Variants in NOMO1 observed in about 807,000 individuals in gnomAD.
NOMO1 encodes NODAL modulator 1, also known as nodal modulator 3.
Under a neutral mutation model 133.8 loss-of-function variants are expected in NOMO1, and 40 were observed. That is an observed-to-expected ratio of 0.30 (90% confidence interval 0.23 to 0.39). The LOEUF (loss-of-function observed/expected upper bound fraction) is 0.39. Among genes scored for constraint, NOMO1 ranks in the 10% least tolerant of loss-of-function variants. The pLI, the probability that NOMO1 is intolerant of heterozygous loss-of-function variation, is 1.00. For missense variants in NOMO1, 462 were observed against 1,419.9 expected (o/e 0.33, Z 10.84); for synonymous variants, 236 against 570.5 (o/e 0.41, Z 8.36).
chr16:14,884,581 G>A, intron 27 of NOMO1, 99 bp downstream of exon 27: 2 of 1,574,884 alleles, frequency 1.3e-6, no homozygotes, highest in Non-Finnish European at 1.7e-6. Context: ...TCGTGCCTTA[G>A]GTGTGACAGG....
rs754349582 is a variant in NOMO1, at chr16:14,875,029, C to T, written c.2055-7C>T. 9.4e-5 allele frequency: 152 copies of T among 1,613,828 alleles called. 3 individuals are homozygous for T. In the East Asian group the frequency reaches 3.3e-3, roughly 35 times the overall value. ...CAACTATGTCCTAGGGGCCGTCTTT[C>T]TTCTAGGTCTTCCATCGACAGTGAA... On this transcript the variant is annotated splice_polypyrimidine_tract_variant and splice_region_variant and intron_variant, in intron 18 of 30. Coordinates refer to ENST00000287667, the MANE Select transcript of NOMO1 (RefSeq NM_014287.4).
At chr16:14,859,607 G>A (rs1263905851) in intron 11 of NOMO1, among the ~76,000 whole-genome samples, 2 of 151,930 alleles carry the variant, frequency 1.3e-5, no homozygotes, top group African/African-American at 2.4e-5. Flanking sequence ...TTGAGCCCAG[G>A]AGTTTGAGAC....
chr16:14,879,700 G>A (rs1472344913), intron 23 of NOMO1, among the ~76,000 whole-genome samples: 3 of 138,636 alleles, frequency 2.2e-5, no homozygotes, highest in Non-Finnish European at 4.6e-5. Context: ...TGCTGTGATC[G>A]TGCACTCCAT....
intron 14 of NOMO1, 78 bp from the exon 15 acceptor site, chr16:14,866,477 G>T (rs1963996770): frequency 1.2e-6 from 2 of 1,609,302 alleles, no homozygotes; most frequent in Non-Finnish European, 1.7e-6. Context: ...ATTAATTCAT[G>T]ATCATTGTTT....
chr16:14,861,697 G>A lies in NOMO1; in HGVS notation c.1221-1316G>A, dbSNP rs865782754. Among the ~76,000 whole-genome samples, 193 of 151,302 alleles carry A rather than the reference G, an allele frequency of 1.3e-3. No individual in the cohort carries two copies. In the Middle Eastern group the frequency reaches 0.014, roughly 11 times the overall value. On this transcript the variant is annotated intron_variant, in intron 11 of 30. Coordinates refer to ENST00000287667, the MANE Select transcript of NOMO1 (RefSeq NM_014287.4). ...CCAGAGAATAACTATTTTAGGCTGCGTGAGCCATACGGTCTCTAGGACAAC... is the reference window on the plus strand; with the variant it reads ...CCAGAGAATAACTATTTTAGGCTGCATGAGCCATACGGTCTCTAGGACAAC...
chr16:14,884,285 G>A, intron 26 of NOMO1, 87 bp from the exon 27 acceptor site: 1 of 1,496,994 alleles, frequency 6.7e-7, no homozygotes, highest in Non-Finnish European at 9.2e-7. Context: ...AGTTTGCCAT[G>A]AAGCAGCTCT....
chr16:14,864,465 G>T, intron 12 of NOMO1, 120 bp from the exon 13 acceptor site: 1 of 1,530,544 alleles, frequency 6.5e-7, no homozygotes, highest in South Asian at 1.3e-5. Context: ...GCCTGGAAAC[G>T]AACCTTTGGC....
intron 1 of NOMO1, among the ~76,000 whole-genome samples, chr16:14,836,492 T>C (rs912777452): frequency 3.3e-5 from 5 of 151,964 alleles, no homozygotes; most frequent in Non-Finnish European, 7.4e-5. Flanking sequence ...CATTAACATT[T>C]TGGAGGTGAG....
At chr16:14,884,987 G>C (rs980337077) in intron 27 of NOMO1, among the ~76,000 whole-genome samples, 24 of 152,020 alleles carry the variant, frequency 1.6e-4, no homozygotes, top group African/African-American at 5.8e-4. Flanking sequence ...GAGGCCTCAG[G>C]AGGCTTCCAA....
intron 27 of NOMO1, among the ~76,000 whole-genome samples, chr16:14,885,128 A>G (rs555768642): frequency 2.0e-5 from 3 of 152,212 alleles, no homozygotes; most frequent in Admixed American, 1.3e-4. Flanking sequence ...AGACAGCACC[A>G]AGCCACGAGG....
intron 5 of NOMO1, 67 bp downstream of exon 5, chr16:14,846,750 T>A: frequency 3.7e-6 from 5 of 1,363,184 alleles, no homozygotes; most frequent in Non-Finnish European, 5.1e-6. Flanking sequence ...TGGAGCTGGG[T>A]TTGGGAGTTT....
rs1239720971 is a variant in NOMO1 at position 14,864,719 on chromosome 16, T to C, written c.1530T>C (p.Ser510=). ...TGGCATCAGTTTCTGGGAAAGTCTC[T>C]TGTTTGGGTAAGATATCACTGGAAA... is the stretch of plus-strand genomic sequence containing the variant. ...QFLASVSGKV[S]CLDTCGDLLV... is the part of the protein sequence containing the mutation. Residue 510 remains serine, a synonymous_variant, in exon 13 of 31, where the codon TCT becomes TCC. Transcript: ENST00000287667. 3.1e-6 allele frequency: 5 copies of C among 1,613,580 alleles called. No homozygotes were observed. The highest frequency in any genetic ancestry group is 4.2e-6 in the Non-Finnish European group (5 of 1,179,792).
chr16:14,886,210 G>A (rs1160443848), intron 27 of NOMO1, among the ~76,000 whole-genome samples: 1 of 150,724 alleles, frequency 6.6e-6, no homozygotes, highest in Non-Finnish European at 1.5e-5. Context: ...CGTACATGAT[G>A]GAATGCGTTT....
At chr16:14,839,402 A>G (rs1040328504) in intron 2 of NOMO1, among the ~76,000 whole-genome samples, 5 of 152,042 alleles carry the variant, frequency 3.3e-5, no homozygotes, top group Admixed American at 2.6e-4. Flanking sequence ...CTTTCTATTT[A>G]TAGTTATTCA....
intron 1 of NOMO1, 29 bp downstream of exon 1, chr16:14,834,045 G>A: frequency 3.5e-6 from 1 of 283,234 alleles, no homozygotes; most frequent in East Asian, 5.2e-5. Flanking sequence ...GCCCGGCGCC[G>A]AGTCGCCGGG....
intron 24 of NOMO1, among the ~76,000 whole-genome samples, chr16:14,880,602 G>C (rs925659384): frequency 6.6e-6 from 1 of 151,534 alleles, no homozygotes; most frequent in Non-Finnish European, 1.5e-5. Context: ...GGTTGGTCTC[G>C]GACTCCTGAT....
chr16:14,851,048 C>T lies in NOMO1; in HGVS notation c.583-1382C>T, dbSNP rs1386858384. ...GCAGTGAGCCAAGATTGCACCACTG[C>T]ACTTCAGCTTGGGTGACAGAGTGAG... On this transcript the variant is annotated intron_variant, in intron 6 of 30. Coordinates refer to ENST00000287667, the MANE Select transcript of NOMO1 (RefSeq NM_014287.4). Among the ~76,000 whole-genome samples, 3 of 135,160 alleles carry T rather than the reference C, an allele frequency of 2.2e-5. No individual in the cohort carries two copies. In the Admixed American group the frequency reaches 2.3e-4, roughly 10 times the overall value. 88.7% of individuals were successfully genotyped at this position (135,160 alleles called of 152,430 possible). A position where few individuals can be genotyped will look rare whatever the true frequency, so the allele number is the denominator to read the frequency against.
chr16:14,858,767 A>G (rs1325195203), intron 11 of NOMO1, among the ~76,000 whole-genome samples: 2 of 152,082 alleles, frequency 1.3e-5, no homozygotes, highest in East Asian at 3.9e-4. Context: ...CATTGTTTTC[A>G]ATAGGGCATT....
At chr16:14,885,496 C>G (rs1037699016) in intron 27 of NOMO1, among the ~76,000 whole-genome samples, 1 of 152,100 alleles carries the variant, frequency 6.6e-6, no homozygotes, top group African/African-American at 2.4e-5. Context: ...GTGATTTGCT[C>G]TGGGGGTACA....
Sources: gnomAD v4.1 joint callset for allele counts (sites outside exome capture counted in the v4.1 genomes callset) on GRCh38, gnomAD v4.1.1 for gene constraint, MANE v1.5 for transcripts, NCBI Gene and HGNC (gene_info 2026-07-23, HGNC 2026-07-21) for gene names.